The following MAGI2 variants were observed in gnomAD, a reference collection of about 807,000 sequenced individuals.
MAGI2 encodes the protein membrane associated guanylate kinase, WW and PDZ domain containing 2.
A neutral mutation model predicts 133.3 loss-of-function variants in MAGI2; 35 were observed. The observed-to-expected ratio is 0.26, with a 90% CI of 0.20 to 0.35. The LOEUF is 0.35. Ranked by LOEUF, MAGI2 falls within the 10% of genes least tolerant of loss-of-function variation. The probability of loss-of-function intolerance (pLI) is 1.00; values close to 1 mark genes in which losing one functional copy is unlikely to be tolerated. For missense variants in MAGI2, 1,636 were observed against 1,863.4 expected (o/e 0.88, Z 2.25); for synonymous variants, 729 against 710.6 (o/e 1.03, Z -0.41).
intron 1 of MAGI2, among the ~76,000 whole-genome samples, chr7:79,250,151 G>T (rs1398292359): frequency 1.3e-5 from 2 of 151,892 alleles, no homozygotes; most frequent in Non-Finnish European, 1.5e-5. Context: ...TCAACATAAT[G>T]ATAGCCATAT....
At chr7:78,686,609 T>C (rs1816345096) in intron 2 of MAGI2, among the ~76,000 whole-genome samples, 1 of 151,802 alleles carries the variant, frequency 6.6e-6, no homozygotes, top group South Asian at 2.1e-4. Flanking sequence ...GATGAAATTG[T>C]ATCTGAAGAC....
At chr7:78,966,990 G>A (rs1170144923) in intron 2 of MAGI2, among the ~76,000 whole-genome samples, 2 of 151,948 alleles carry the variant, frequency 1.3e-5, no homozygotes, top group Non-Finnish European at 2.9e-5. Context: ...TGCCACCCAG[G>A]CTGGAGTGCA....
At chr7:78,287,035 T>A (rs546103585) in intron 9 of MAGI2, among the ~76,000 whole-genome samples, 12 of 152,280 alleles carry the variant, frequency 7.9e-5, no homozygotes, top group Middle Eastern at 6.8e-3. Context: ...TAAGGAATTA[T>A]CTTTGTTTGT....
intron 1 of MAGI2, among the ~76,000 whole-genome samples, chr7:79,292,424 C>A (rs147211357): frequency 0.025 from 3,834 of 151,724 alleles, 174 homozygotes; most frequent in African/African-American, 0.087. Flanking sequence ...GGGTTTGAGA[C>A]CAGCCTGGCC....
At chr7:78,748,604 A>T (rs1823151500) in intron 2 of MAGI2, among the ~76,000 whole-genome samples, 1 of 152,214 alleles carries the variant, frequency 6.6e-6, no homozygotes, top group Non-Finnish European at 1.5e-5. Context: ...ATTAAATTAC[A>T]AACCATTTCG....
intron 1 of MAGI2, among the ~76,000 whole-genome samples, chr7:79,302,362 C>G (rs1389382441): frequency 1.3e-5 from 2 of 152,154 alleles, no homozygotes; most frequent in Non-Finnish European, 2.9e-5. Context: ...ATATCTCCAG[C>G]AGCATTTCAC....
At chr7:79,211,171 T>C (rs569007567) in intron 1 of MAGI2, among the ~76,000 whole-genome samples, 34 of 152,094 alleles carry the variant, frequency 2.2e-4, no homozygotes, top group Admixed American at 5.9e-4. Context: ...GTAGGTTAAT[T>C]AACAGGCATG....
intron 7 of MAGI2, among the ~76,000 whole-genome samples, chr7:78,361,737 G>A (rs1480104368): frequency 6.6e-6 from 1 of 152,192 alleles, no homozygotes; most frequent in Non-Finnish European, 1.5e-5. Context: ...TTGTTGATAA[G>A]ATGTAAGAGT....
At chr7:78,188,748 G>A (rs965560854) in intron 12 of MAGI2, among the ~76,000 whole-genome samples, 1 of 152,128 alleles carries the variant, frequency 6.6e-6, no homozygotes, top group African/African-American at 2.4e-5. Flanking sequence ...GGCCTTTCAT[G>A]ATCACCTAAT....
intron 1 of MAGI2, among the ~76,000 whole-genome samples, chr7:79,018,283 T>C (rs1808938214): frequency 6.6e-6 from 1 of 152,104 alleles, no homozygotes; most frequent in South Asian, 2.1e-4. Context: ...AAGAATTTCA[T>C]ATATGGTCTA....
At chr7:78,920,935 CACA>C (rs1799176162) in intron 2 of MAGI2, among the ~76,000 whole-genome samples, 1 of 152,168 alleles carries the variant, frequency 6.6e-6, no homozygotes, top group Admixed American at 6.6e-5. Context: ...TCTACTGTCA[CACA>C]ACTTCTCCTT....
intron 1 of MAGI2, among the ~76,000 whole-genome samples, chr7:79,231,548 T>G (rs1831375004): frequency 1.1e-5 from 1 of 90,042 alleles, no homozygotes; most frequent in Non-Finnish European, 2.8e-5. Context: ...TTATTCTCTT[T>G]GAAGCAATTG....
chr7:79,115,675 T>C (rs1159605645), intron 1 of MAGI2, among the ~76,000 whole-genome samples: 1 of 152,034 alleles, frequency 6.6e-6, no homozygotes, highest in African/African-American at 2.4e-5. Context: ...CTGAGCTCTT[T>C]AGCTGGTGAA....
At chr7:78,024,759 A>C (rs1231380628) in intron 21 of MAGI2, among the ~76,000 whole-genome samples, 1 of 152,108 alleles carries the variant, frequency 6.6e-6, no homozygotes. Flanking sequence ...GAAATTTCTA[A>C]AATGAATTTC....
chr7:79,407,140 G>A (rs1845859934), intron 1 of MAGI2, among the ~76,000 whole-genome samples: 1 of 152,058 alleles, frequency 6.6e-6, no homozygotes, highest in Non-Finnish European at 1.5e-5. Flanking sequence ...TGTAATAACA[G>A]TGCAAAAAGA....
At chr7:78,648,288 T>C (rs1300215705) in intron 2 of MAGI2, among the ~76,000 whole-genome samples, 5 of 152,174 alleles carry the variant, frequency 3.3e-5, no homozygotes, top group Non-Finnish European at 7.3e-5. Context: ...CTCATCCTTG[T>C]AACAAGGAAA....
Position 78,465,717 on chromosome 7 carries a change from A to ATGT in MAGI2, c.1045+24041_1045+24043dup, listed in dbSNP as rs368295835. On this transcript the variant is annotated intron_variant, in intron 6 of 21. Transcript: ENST00000354212. ...GAGGCAGAAAATGAAAGAAAAATGT[A>ATGT]TGTTATTCCATGGCTATGATTTCTC... 3.7e-3 allele frequency among the ~76,000 whole-genome samples: 562 copies of ATGT among 152,284 alleles called. 3 individuals carry two copies. The highest frequency in any genetic ancestry group is 0.013 in the African/African-American group (535 of 41,580).
chr7:78,458,398 C>T (rs1382862191), intron 6 of MAGI2, among the ~76,000 whole-genome samples: 1 of 151,686 alleles, frequency 6.6e-6, no homozygotes, highest in African/African-American at 2.4e-5. Context: ...GCTTGAAGGG[C>T]AGTCACATAG....
intron 3 of MAGI2, among the ~76,000 whole-genome samples, chr7:78,535,434 G>C (rs758675126): frequency 6.6e-6 from 1 of 152,248 alleles, no homozygotes; most frequent in East Asian, 1.9e-4. Context: ...ATGGATTGGA[G>C]GCAGCAAGAG....
Sources: gnomAD v4.1 joint callset for allele counts (sites outside exome capture counted in the v4.1 genomes callset) on GRCh38, gnomAD v4.1.1 for gene constraint, MANE v1.5 for transcripts, NCBI Gene and HGNC (gene_info 2026-07-23, HGNC 2026-07-21) for gene names.